The following PRPF18 variants were observed in gnomAD, a reference collection of about 807,000 sequenced individuals.
PRPF18 encodes pre-mRNA processing factor 18.
In PRPF18, 38 loss-of-function variants were observed where a neutral mutation model predicts 46.5. That is an observed-to-expected ratio of 0.82 (90% CI 0.63 to 1.07). The LOEUF is 1.07. Among genes scored for constraint, PRPF18 ranks in the 50% least tolerant of loss-of-function variants. The probability of loss-of-function intolerance (pLI) is 0.00; values close to 1 mark genes in which losing one functional copy is unlikely to be tolerated. For missense variants in PRPF18, 263 were observed against 410.0 expected, an observed-to-expected ratio of 0.64 and a Z score of 3.10; for synonymous variants, 152 against 146.7, an observed-to-expected ratio of 1.04 and a Z score of -0.26.
chr10:13,608,056 C>A (rs765429717), intron 4 of PRPF18, among the ~76,000 whole-genome samples: 3 of 152,136 alleles, frequency 2.0e-5, no homozygotes, highest in Non-Finnish European at 4.4e-5. Context: ...ACAGACTACT[C>A]CAAAACTTAC....
chr10:13,616,287 C>T, intron 8 of PRPF18, 111 bp from the exon 9 acceptor site: 1 of 1,180,034 alleles, frequency 8.5e-7, no homozygotes, highest in South Asian at 1.6e-5. Flanking sequence ...TCCATGTGCC[C>T]AAAAGGTGGA....
At chr10:13,648,574 G>A in the PRPF18 span, 1 of 152,174 alleles carries the variant, frequency 6.6e-6, no homozygotes, top group Non-Finnish European at 1.5e-5. Context: ...AGGTGGCCAC[G>A]TGCCTGAGCA....
intron 1 of PRPF18, among the ~76,000 whole-genome samples, chr10:13,590,372 G>A (rs979972190): frequency 6.6e-6 from 1 of 151,058 alleles, no homozygotes. Flanking sequence ...TTGGGAGCCT[G>A]GGGTGGGCAG....
chr10:13,597,135 T>C (rs1005849768), intron 1 of PRPF18, among the ~76,000 whole-genome samples: 1 of 152,204 alleles, frequency 6.6e-6, no homozygotes, highest in African/African-American at 2.4e-5. Flanking sequence ...TTGAAGAAAT[T>C]ATCATTGAAC....
At chr10:13,610,314 C>A in intron 5 of PRPF18, 129 bp downstream of exon 5, 1 of 1,050,106 alleles carries the variant, frequency 9.5e-7, no homozygotes, top group Non-Finnish European at 1.3e-6. Context: ...ATTTACTCCT[C>A]GCTTTTATTT....
the PRPF18 span, chr10:13,646,169 G>C: frequency 6.6e-6 from 1 of 152,616 alleles, no homozygotes; most frequent in African/African-American, 2.4e-5. Context: ...TCTCTACGGA[G>C]AGAGAAGTGG....
chr10:13,588,406 C>CA (rs79679505), intron 1 of PRPF18, among the ~76,000 whole-genome samples: 3,656 of 128,152 alleles, frequency 0.029, 115 homozygotes, highest in African/African-American at 0.081. Context: ...GACACCGTCT[C>CA]AAAAAAAAAA....
At chr10:13,642,385 A>T in the PRPF18 span, 1 of 152,342 alleles carries the variant, frequency 6.6e-6, no homozygotes, top group Non-Finnish European at 1.5e-5. Flanking sequence ...TGGTGACTTC[A>T]TATTCCTCTT....
intron 1 of PRPF18, among the ~76,000 whole-genome samples, chr10:13,590,645 C>T (rs1341190487): frequency 6.7e-6 from 1 of 149,530 alleles, no homozygotes; most frequent in Non-Finnish European, 1.5e-5. Flanking sequence ...AAAATACTGA[C>T]ATTCATAGTT....
intron 1 of PRPF18, chr10:13,591,603 T>A (rs1186677876): frequency 1.5e-6 from 1 of 655,558 alleles, no homozygotes; most frequent in Non-Finnish European, 2.8e-6. Flanking sequence ...TCTGTAATCT[T>A]GTATTTATCT....
intron 9 of PRPF18, among the ~76,000 whole-genome samples, chr10:13,618,511 A>G (rs1330407539): frequency 1.3e-5 from 2 of 150,018 alleles, no homozygotes; most frequent in Admixed American, 1.3e-4. Context: ...CTGTAGTCCT[A>G]GCTACCGGAG....
At chr10:13,654,449 C>CT in the PRPF18 span, 1 of 1,613,120 alleles carries the variant, frequency 6.2e-7, no homozygotes, top group Non-Finnish European at 8.5e-7. Flanking sequence ...GTGGGGGCTG[C>CT]TTGGGGGGGT....
intron 1 of PRPF18, among the ~76,000 whole-genome samples, chr10:13,594,335 A>G (rs1450902029): frequency 2.6e-5 from 4 of 152,220 alleles, no homozygotes; most frequent in Non-Finnish European, 4.4e-5. Flanking sequence ...TTTCAAGTAC[A>G]CGAAGAAAAT....
the PRPF18 span, chr10:13,638,616 G>A: frequency 6.6e-6 from 1 of 152,180 alleles, no homozygotes; most frequent in Non-Finnish European, 1.5e-5. Context: ...AACCAGGAGA[G>A]CTGATGGTGT....
Position 13,614,028 on chromosome 10 carries a change from A to C in PRPF18, c.734A>C (p.Asp245Ala). ...RKLRKRNLPA[D>A]IKESITDIIK... ...TATTTTTTTCAGAATCTTCCTGCTG[A>C]TATTAAAGAATCAATAACGGATATT... The change falls in exon 8 of 10, where the codon GAT becomes GCT. Residue 245 changes from aspartate to alanine, a missense_variant. This residue lies in a region of PRPF18 where 155 missense variants were observed against 245.1 expected (regional missense o/e 0.63). Transcript: ENST00000378572. 6.3e-7 allele frequency: 1 copy of C among 1,588,606 alleles called. No homozygotes were observed. The highest frequency in any genetic ancestry group is 8.6e-7 in the Non-Finnish European group (1 of 1,164,136).
At chr10:13,596,297 G>A (rs34311694) in intron 1 of PRPF18, among the ~76,000 whole-genome samples, 12,758 of 152,162 alleles carry the variant, frequency 0.084, 609 homozygotes, top group Non-Finnish European at 0.12. Context: ...AGGATACTTC[G>A]TAGACGATGG....
At chr10:13,595,356 G>T (rs1219914433) in intron 1 of PRPF18, among the ~76,000 whole-genome samples, 1 of 152,050 alleles carries the variant, frequency 6.6e-6, no homozygotes, top group African/African-American at 2.4e-5. Flanking sequence ...TAGTTAAAAA[G>T]ATTGGACCAT....
chr10:13,634,199 C>T (rs994738369), downstream of PRPF18, among the ~76,000 whole-genome samples: 2 of 152,108 alleles, frequency 1.3e-5, no homozygotes, highest in Admixed American at 1.3e-4. Flanking sequence ...ATTTATTTTT[C>T]CCCCATTGTA....
At position 13,594,160 on chromosome 10, in the gene PRPF18, A is replaced by G. The variant is rs187499189; in HGVS notation, c.67-3298A>G. Among the ~76,000 whole-genome samples, 76 of 152,382 alleles carry G rather than the reference A, an allele frequency of 5.0e-4. No individual in the cohort carries two copies. In the South Asian group the frequency reaches 0.012, roughly 24 times the overall value. On this transcript the variant is annotated intron_variant, in intron 1 of 9. Coordinates refer to ENST00000378572, the MANE Select transcript of PRPF18 (RefSeq NM_003675.4). ...CAGGAAATTACAAAATGTATATTCC[A>G]TGTAGAAATGCAATAATAAACCCAT...
Sources: gnomAD v4.1 joint callset for allele counts (sites outside exome capture counted in the v4.1 genomes callset) on GRCh38, gnomAD v4.1.1 for gene constraint, gnomAD v4.1.1 regional missense constraint, MANE v1.5 for transcripts, NCBI Gene and HGNC (gene_info 2026-07-23, HGNC 2026-07-21) for gene names.